The following ACTN3 variants were observed in gnomAD, a reference collection of about 807,000 sequenced individuals.
The protein encoded by ACTN3 is alpha-actinin-3.
In ACTN3, 91 loss-of-function variants were observed where a neutral mutation model predicts 119.6. The ratio of observed to expected loss-of-function variants is 0.76; its 90% CI spans 0.64 to 0.91. The LOEUF (loss-of-function observed/expected upper bound fraction) is 0.91. Ranked by LOEUF, ACTN3 falls within the 40% of genes least tolerant of loss-of-function variation. ACTN3 has a pLI of 0.00. For synonymous variants in ACTN3, 456 were observed against 478.8 expected (o/e 0.95, Z 0.62); for missense variants, 1,221 against 1,215.1 (o/e 1.00, Z -0.07).
At chr11:66,561,055 G>A (rs1000428445) in intron 15 of ACTN3, 172 bp from the exon 16 acceptor site, 6 of 457,032 alleles carry the variant, frequency 1.3e-5, no homozygotes, top group Non-Finnish European at 1.7e-5. Context: ...TTTTGCAGAT[G>A]AGAAAACTGA....
At position 66,561,366 on chromosome 11, in the gene ACTN3, G is replaced by T. The variant is rs1857757877; in HGVS notation, c.1995+5G>T. On this transcript the variant is annotated splice_donor_5th_base_variant and intron_variant, in intron 16 of 20. Coordinates refer to ENST00000513398, the MANE Select transcript of ACTN3 (RefSeq NM_001104.4). ...TGGATCCAGGCGAAGGTGGAGGTAA[G>T]GGCTGGGATAGTGGGTCCAACCTGG... is the stretch of plus-strand genomic sequence containing the variant. 1 of 1,609,306 alleles carries T rather than the reference G, an allele frequency of 6.2e-7. No individual in the cohort carries two copies.
intron 15 of ACTN3, 69 bp from the exon 16 acceptor site, chr11:66,561,158 G>A: frequency 4.1e-6 from 6 of 1,456,188 alleles, no homozygotes; most frequent in Non-Finnish European, 5.4e-6. Flanking sequence ...TGAGGGGCTG[G>A]AGCCCATCTC....
At chr11:66,550,445 T>C (rs1857447004) in intron 1 of ACTN3, among the ~76,000 whole-genome samples, 1 of 152,076 alleles carries the variant, frequency 6.6e-6, no homozygotes, top group African/African-American at 2.4e-5. Context: ...GGGGAAGGGG[T>C]GGGCAGTCAC....
At chr11:66,560,881 C>T (rs987671650) in intron 15 of ACTN3, 126 bp downstream of exon 15, 7 of 1,082,852 alleles carry the variant, frequency 6.5e-6, no homozygotes, top group African/African-American at 1.6e-5. Context: ...ACAGACTCCA[C>T]GTGGGATTGG....
chr11:66,551,020 C>A, intron 1 of ACTN3: 1 of 660,538 alleles, frequency 1.5e-6, no homozygotes. Flanking sequence ...CTGGGACCTG[C>A]ATGGGTCACA....
intron 3 of ACTN3, among the ~76,000 whole-genome samples, chr11:66,552,373 A>G (rs1429725690): frequency 1.3e-5 from 2 of 151,520 alleles, no homozygotes; most frequent in Admixed American, 6.6e-5. Flanking sequence ...CCGTCTCAAA[A>G]AAAAAAAAGA....
In ACTN3 at chr11:66,560,540, C is replaced by T. The variant is rs991466412; in HGVS notation, c.1678-33C>T. 2.5e-6 allele frequency: 4 copies of T among 1,585,948 alleles called. No individual in the cohort carries two copies. In the Admixed American group the frequency reaches 5.1e-5, roughly 20 times the overall value. ...TCTGTTGCCTGTGGTAAGTGGGGGA[C>T]ACCAGCTGACACTTCCTGCCTGTCG... is the stretch of plus-strand genomic sequence containing the variant. On this transcript the variant is annotated intron_variant, in intron 14 of 20. Transcript: ENST00000513398.
Position 66,551,244 on chromosome 11 carries a change from C to G in ACTN3, c.153C>G (p.Phe51Leu). 1 of 1,608,334 alleles carries G rather than the reference C, an allele frequency of 6.2e-7. No homozygotes were observed. The highest frequency in any genetic ancestry group is 8.5e-7 in the Non-Finnish European group (1 of 1,177,276). Residue 51 changes from phenylalanine (F) to leucine (L), a missense_variant, in exon 2 of 21, where the codon TTC (phenylalanine) becomes TTG (leucine). Phe to Leu is a conservative substitution (Grantham distance 22). Transcript: ENST00000513398. ...GTGCTGTCCTCTGCCCCTAGACCTT[C>G]ACTGCCTGGTGCAACTCACACCTGC... Reference protein sequence around the residue: ...PAWEKQQRKTFTAWCNSHLRK... With the variant: ...PAWEKQQRKTLTAWCNSHLRK...
chr11:66,546,739 G>C (rs1857350514), upstream of ACTN3: 3 of 1,535,502 alleles, frequency 2.0e-6, no homozygotes, highest in Admixed American at 2.0e-5. Context: ...ATCCACCCCG[G>C]CGCCCCCGAG....
intron 14 of ACTN3, 37 bp from the exon 15 acceptor site, chr11:66,560,536 G>C (rs746413871): frequency 1.3e-6 from 2 of 1,583,296 alleles, no homozygotes; most frequent in Non-Finnish European, 1.7e-6. Flanking sequence ...TGGTAAGTGG[G>C]GGACACCAGC....
chr11:66,558,211 T>C, intron 11 of ACTN3, 37 bp downstream of exon 11: 2 of 1,606,102 alleles, frequency 1.2e-6, no homozygotes, highest in African/African-American at 1.3e-5. Context: ...GACTGTCTCT[T>C]GGGGTGGAGA....
chr11:66,563,276 C>G lies in ACTN3; in HGVS notation c.*83C>G, dbSNP rs1857842875. 1 of 1,472,632 alleles carries G rather than the reference C, an allele frequency of 6.8e-7. No individual in the cohort carries two copies. The highest frequency in any genetic ancestry group is 9.0e-7 in the Non-Finnish European group (1 of 1,107,482). 91.2% of individuals were successfully genotyped at this position (1,472,632 alleles called of 1,614,324 possible). A position where few individuals can be genotyped will look rare whatever the true frequency, so the allele number is the denominator to read the frequency against. ...CCCATCCGTCCCTCGGAGCAAGGGC[C>G]TAAGAGAAAAGCCAGCCAAGTGCTT... On this transcript the variant is annotated 3_prime_UTR_variant, in exon 21 of 21. Transcript: ENST00000513398.
In ACTN3 at chr11:66,561,303, G is replaced by A. The variant is rs565643850; in HGVS notation, c.1937G>A (p.Arg646Gln). Residue 646 changes from arginine (R) to glutamine (Q), a missense_variant, in exon 16 of 21, where the codon CGG becomes CAG. Physicochemically the swap from Arg to Gln is conservative, Grantham distance 43. Coordinates refer to ENST00000513398, the MANE Select transcript of ACTN3 (RefSeq NM_001104.4). ...CGGCAGCAGGTAAACGAGAGGCTCC[G>A]GCGACAGTTTGCGGCCCAGGCCAAT... ...LARQQVNERL[R>Q]RQFAAQANAI... The A allele has an allele frequency of 1.5e-5, 24 of 1,610,158 alleles. No individual in the cohort carries two copies. Among genetic ancestry groups the A allele is most frequent in the Middle Eastern group, 1.9e-4 (1 of 5,378 alleles).
intron 4 of ACTN3, 61 bp downstream of exon 4, chr11:66,554,192 G>A (rs1565305014): frequency 3.4e-6 from 5 of 1,474,030 alleles, no homozygotes; most frequent in Non-Finnish European, 4.7e-6. Flanking sequence ...AATCCCCACA[G>A]TTTGGGAGGT....
Position 66,560,584 on chromosome 11 carries a change from A to G in ACTN3, c.1689A>G (p.Thr563=), listed in dbSNP as rs2229455. The part of the protein sequence containing the change: ...HSVEETQSLL[T]AHDQFKATLP... ...CCTGTCGTCCCCAGAGCCTGCTGAC[A>G]GCGCACGATCAGTTCAAGGCAACAC... The change falls in exon 15 of 21, where the codon ACA becomes ACG. Residue 563 remains threonine, a synonymous_variant. Transcript: ENST00000513398. The G allele has an allele frequency of 0.18, 282,478 of 1,609,622 alleles. 25,528 individuals are homozygous for G. Among genetic ancestry groups the G allele is most frequent in the Non-Finnish European group, 0.18 (213,903 of 1,177,608 alleles).
chr11:66,550,987 T>C, intron 1 of ACTN3: 1 of 621,760 alleles, frequency 1.6e-6, no homozygotes, highest in Non-Finnish European at 3.0e-6. Context: ...GGGGTGCTGG[T>C]GGCCGGGTGC....
chr11:66,560,099 T>TGGGGGGGGGGGGGGGG, intron 13 of ACTN3, 23 bp downstream of exon 13: 1 of 277,520 alleles, frequency 3.6e-6, no homozygotes, highest in Admixed American at 9.8e-5. Context: ...GCCGGGGAGC[T>TGGGGGGGGGGGGGGGG]GGGGGGTGGG....
At position 66,559,379 on chromosome 11, in the gene ACTN3, G is replaced by C; in HGVS notation, c.1420G>C (p.Glu474Gln). The C allele has an allele frequency of 6.5e-7, 1 of 1,538,142 alleles. No homozygotes were observed. Among genetic ancestry groups the C allele is most frequent in the South Asian group, 1.2e-5 (1 of 81,954 alleles). The change falls in exon 12 of 21, where the codon GAG becomes CAG. Residue 474 changes from glutamate (E) to glutamine (Q), a missense_variant. Glu to Gln is a conservative substitution (Grantham distance 29). Around this residue, in one of 3 missense-constraint regions of ACTN3, gnomAD observed 934 missense variants for 899.9 expected, o/e 1.04. Transcript: ENST00000513398. Reference sequence around the variant, plus strand: ...GGAGCACATTGCCGCGCTGGCCCAGGAGCTCAAGTAGGCGGGGCCTCGCGG... The same window carrying C: ...GGAGCACATTGCCGCGCTGGCCCAGCAGCTCAAGTAGGCGGGGCCTCGCGG... ...RVEHIAALAQ[E>Q]LNELDYHEAA...
intron 5 of ACTN3, 50 bp from the exon 6 acceptor site, chr11:66,555,071 AGGGGAGAAC>A: frequency 6.6e-7 from 1 of 1,514,902 alleles, no homozygotes; most frequent in South Asian, 1.1e-5. Context: ...TCCTGGGCCG[AGGGGAGAAC>A]GGGGCCCCAG....
Sources: allele counts gnomAD v4.1 joint callset (sites outside exome capture counted in the v4.1 genomes callset), GRCh38; gene constraint gnomAD v4.1.1; regional missense constraint gnomAD v4.1.1; transcripts MANE v1.5; gene names NCBI Gene and HGNC (gene_info 2026-07-23, HGNC 2026-07-21).